The following CLIC2 variants were observed in gnomAD, a reference collection of about 807,000 sequenced individuals.
CLIC2 encodes the protein CLIC family member 2.
Under a neutral mutation model 14.8 loss-of-function variants are expected in CLIC2, and 9 were observed. The observed-to-expected ratio is 0.61, with a 90% CI of 0.37 to 1.06. CLIC2 has a LOEUF of 1.06. Among genes scored for constraint, CLIC2 ranks in the 50% least tolerant of loss-of-function variants. CLIC2 has a pLI of 0.01. For missense variants in CLIC2, 148 were observed against 181.4 expected, an observed-to-expected ratio of 0.82 and a Z score of 1.06; for synonymous variants, 61 against 66.3, an observed-to-expected ratio of 0.92 and a Z score of 0.39.
At chrX:155,300,453 G>A (rs1482604952) in intron 1 of CLIC2, among the ~76,000 whole-genome samples, 9 of 111,612 alleles carry the variant, frequency 8.1e-5, no homozygotes, top group Non-Finnish European at 1.7e-4. Flanking sequence ...ATTTGTTTGA[G>A]TTCATTGTAG....
chrX:155,331,492 A>G (rs2075156759), intron 1 of CLIC2, among the ~76,000 whole-genome samples: 1 of 111,963 alleles, frequency 8.9e-6, no homozygotes, highest in Admixed American at 9.5e-5. Context: ...GTTTTTAAAC[A>G]TGAAAAATAA....
intron 3 of CLIC2, chrX:155,291,243 G>A: frequency 3.1e-6 from 3 of 957,337 alleles, no homozygotes; most frequent in South Asian, 1.9e-5. Context: ...GGAATCTGAA[G>A]GCTGACTATA....
rs782813535 is a variant in CLIC2 at position 155,288,418 on chromosome X, T to A, written c.294-8350A>T. Among the ~76,000 whole-genome samples, 34 of 112,183 alleles carry A rather than the reference T, an allele frequency of 3.0e-4. 1 individual carries two copies. The South Asian group carries it at 0.012, about 39-fold the overall frequency. The stretch of plus-strand genomic sequence containing the variant: ...ATAATCACATCTATATTCTGGAATG[T>A]CCATTTACTTTAATGTAGTGTAGTG... On this transcript the variant is annotated intron_variant, in intron 3 of 5. Transcript: ENST00000369449.
At chrX:155,297,785 C>T (rs1398014847) in intron 3 of CLIC2, among the ~76,000 whole-genome samples, 4 of 94,350 alleles carry the variant, frequency 4.2e-5, no homozygotes, top group African/African-American at 1.2e-4. Context: ...ACCCGAGACC[C>T]GAGAGGCGGA....
Position 155,296,566 on chromosome X carries a change from A to C in CLIC2, c.293+2219T>G, listed in dbSNP as rs1179376867. Among the ~76,000 whole-genome samples the C allele has an allele frequency of 4.5e-5, 5 of 111,825 alleles. No individual in the cohort carries two copies. In the East Asian group the frequency reaches 1.1e-3, roughly 25 times the overall value. On this transcript the variant is annotated intron_variant, in intron 3 of 5. Transcript: ENST00000369449. Reference sequence around the variant, plus strand: ...CAGCAAAAGAAATGAGTGAAGAGACAACCTTTTGAATGAGAGGAAATGTTT... The same window carrying C: ...CAGCAAAAGAAATGAGTGAAGAGACCACCTTTTGAATGAGAGGAAATGTTT...
At chrX:155,305,165 G>A (rs1438971240) in intron 1 of CLIC2, among the ~76,000 whole-genome samples, 1 of 112,094 alleles carries the variant, frequency 8.9e-6, no homozygotes, top group African/African-American at 3.2e-5. Flanking sequence ...AATGGCGGGC[G>A]CCCCTCCCCC....
chrX:155,305,367 C>T (rs1395443883), intron 1 of CLIC2, among the ~76,000 whole-genome samples: 1 of 112,552 alleles, frequency 8.9e-6, no homozygotes, highest in Non-Finnish European at 1.9e-5. Flanking sequence ...CTTTCTTTGA[C>T]TCAGAAAGGG....
Position 155,331,073 on chromosome X carries a change from G to C in CLIC2, c.57+3298C>G, listed in dbSNP as rs781861971. On this transcript the variant is annotated intron_variant, in intron 1 of 5. Coordinates refer to ENST00000369449, the MANE Select transcript of CLIC2 (RefSeq NM_001289.6). ...TCTTTATGATGGCAGGGTGTGAAGA[G>C]GAATGGGAAGAGGCAACCAACCTTA... is the stretch of plus-strand genomic sequence containing the variant. Among the ~76,000 whole-genome samples the C allele has an allele frequency of 4.5e-5, 5 of 110,679 alleles. No homozygotes were observed. The South Asian group carries it at 1.9e-3, about 42-fold the overall frequency.
intron 3 of CLIC2, among the ~76,000 whole-genome samples, chrX:155,288,822 A>G (rs5983872): frequency 1.4e-3 from 155 of 111,783 alleles, no homozygotes; most frequent in African/African-American, 4.9e-3. Flanking sequence ...TGAAAGGTAC[A>G]TATATTACCT....
chrX:155,307,967 G>A (rs2075061540), intron 1 of CLIC2, among the ~76,000 whole-genome samples: 1 of 110,840 alleles, frequency 9.0e-6, no homozygotes, highest in South Asian at 3.9e-4. Context: ...GGCCCAGACT[G>A]TGAAGATTAC....
chrX:155,308,572 C>G (rs2075063587), intron 1 of CLIC2, among the ~76,000 whole-genome samples: 1 of 111,477 alleles, frequency 9.0e-6, no homozygotes, highest in Non-Finnish European at 1.9e-5. Flanking sequence ...TCATAGAACA[C>G]CAAGTAGATT....
intron 1 of CLIC2, among the ~76,000 whole-genome samples, chrX:155,312,670 A>C (rs1196535009): frequency 1.8e-5 from 2 of 112,023 alleles, no homozygotes; most frequent in African/African-American, 6.5e-5. Context: ...ATTCCATATG[A>C]ATTTTAAAAT....
intron 1 of CLIC2, among the ~76,000 whole-genome samples, chrX:155,317,019 T>A (rs868985733): frequency 1.8e-5 from 2 of 111,378 alleles, no homozygotes; most frequent in South Asian, 7.5e-4. Flanking sequence ...ATACTTTGCA[T>A]CCTTCAATCC....
intron 1 of CLIC2, among the ~76,000 whole-genome samples, 167 bp from the exon 2 acceptor site, chrX:155,299,312 T>A (rs1205684444): frequency 9.0e-6 from 1 of 110,968 alleles, no homozygotes; most frequent in Non-Finnish European, 1.9e-5. Context: ...AATCTCATTA[T>A]ATGTAAAGTT....
At chrX:155,287,479 G>T (rs999031402) in intron 3 of CLIC2, among the ~76,000 whole-genome samples, 2 of 111,108 alleles carry the variant, frequency 1.8e-5, no homozygotes, top group Non-Finnish European at 3.8e-5. Context: ...GATTACAGGC[G>T]TGTGTCACCA....
rs781978474 is a variant in CLIC2 at position 155,314,632 on chromosome X, A to G, written c.58-15487T>C. 6.2e-5 allele frequency among the ~76,000 whole-genome samples: 7 copies of G among 112,247 alleles called. No homozygotes were observed. In the East Asian group the frequency reaches 2.0e-3, roughly 31 times the overall value. On this transcript the variant is annotated intron_variant, in intron 1 of 5. Coordinates refer to ENST00000369449, the MANE Select transcript of CLIC2 (RefSeq NM_001289.6). ...TAGTCTAAGCAAGTGAGAAATAACT[A>G]GAAAATCAATTCTGGTAATACAACA...
chrX:155,311,245 T>G (rs1254509568), intron 1 of CLIC2, among the ~76,000 whole-genome samples: 2 of 112,121 alleles, frequency 1.8e-5, no homozygotes, highest in Non-Finnish European at 3.8e-5. Context: ...GTTTCCTTTT[T>G]AAAAGTGAAT....
At chrX:155,284,830 C>A (rs1429572230) in intron 3 of CLIC2, among the ~76,000 whole-genome samples, 1 of 111,901 alleles carries the variant, frequency 8.9e-6, no homozygotes, top group Non-Finnish European at 1.9e-5. Context: ...CCTGCACCTG[C>A]AATATAAGCT....
intron 3 of CLIC2, chrX:155,292,449 TA>T: frequency 1.7e-6 from 1 of 605,544 alleles, no homozygotes; most frequent in Non-Finnish European, 2.9e-6. Context: ...TTCCCAAATG[TA>T]ACAACAGAAT....
Sources: gnomAD v4.1 joint callset for allele counts (sites outside exome capture counted in the v4.1 genomes callset) on GRCh38, gnomAD v4.1.1 for gene constraint, MANE v1.5 for transcripts, NCBI Gene and HGNC (gene_info 2026-07-23, HGNC 2026-07-21) for gene names.